TMEM223: variants seen among roughly 807,000 people sequenced by gnomAD.
The protein encoded by TMEM223 is transmembrane protein 223.
In TMEM223, 14 loss-of-function variants were observed where a neutral mutation model predicts 14.1. That is an observed-to-expected ratio of 0.99 (90% CI 0.66 to 1.55). The LOEUF (loss-of-function observed/expected upper bound fraction) is 1.55, where lower values mean the gene tolerates loss of function less well. Ranked by LOEUF, TMEM223 falls within the 40% of genes most tolerant of loss-of-function variation. The pLI is 0.00. For missense variants in TMEM223, 346 were observed against 269.9 expected (o/e 1.28, Z -1.97); for synonymous variants, 145 against 120.5 (o/e 1.20, Z -1.33).
chr11:62,773,448 A>ATTT (rs112592058), intron 2 of TMEM223, among the ~76,000 whole-genome samples: 1 of 135,832 alleles, frequency 7.4e-6, no homozygotes, highest in Non-Finnish European at 1.6e-5. Context: ...CCGGCCTACA[A>ATTT]TTTTTTTTTT....
In TMEM223 at chr11:62,772,075, A is replaced by G. The variant is rs1035449464; in HGVS notation, c.*31T>C. 12 of 456,058 alleles carry G rather than the reference A, an allele frequency of 2.6e-5. No individual in the cohort carries two copies. In the East Asian group the frequency reaches 7.6e-4, roughly 29 times the overall value. 28.3% of individuals were successfully genotyped at this position (456,058 alleles called of 1,614,324 possible). A position where few individuals can be genotyped will look rare whatever the true frequency, so the allele number is the denominator to read the frequency against. The stretch of plus-strand genomic sequence containing the variant: ...CCCCCTCCCTACTTACTCAGTGCTT[A>G]CTTCATGATCTTGGAGAAGTCATGG... On this transcript the variant is annotated 3_prime_UTR_variant, in exon 3 of 3. Transcript: ENST00000528367.
chr11:62,773,905 C>T lies in TMEM223; in HGVS notation c.385+690G>A, dbSNP rs528405373. Among the ~76,000 whole-genome samples the T allele has an allele frequency of 5.3e-5, 8 of 151,994 alleles. No homozygotes were observed. In the East Asian group the frequency reaches 1.5e-3, roughly 29 times the overall value. On this transcript the variant is annotated intron_variant, in intron 2 of 2. Coordinates refer to the TMEM223 transcript ENST00000528367. ...GGTGGAGGACAGGGAGGAGAGAGTTCCAAGTGGAGGAAGCAGTGTTCAAAG... is the reference window on the plus strand; with the variant it reads ...GGTGGAGGACAGGGAGGAGAGAGTTTCAAGTGGAGGAAGCAGTGTTCAAAG...
downstream of TMEM223, among the ~76,000 whole-genome samples, chr11:62,784,528 G>C (rs558850976): frequency 6.7e-6 from 1 of 149,212 alleles, no homozygotes; most frequent in East Asian, 2.0e-4. Context: ...GGATGGTCTC[G>C]ATCTCCTGGC....
downstream of TMEM223, chr11:62,787,214 A>C: frequency 6.3e-7 from 1 of 1,588,270 alleles, no homozygotes; most frequent in Non-Finnish European, 8.5e-7. Context: ...CGCTACGTGC[A>C]GAAACTGCCC....
At chr11:62,771,916 G>A in exon 3 of TMEM223, 1 of 352,208 alleles carries the variant, frequency 2.8e-6, no homozygotes, top group Middle Eastern at 6.3e-4. Flanking sequence ...TCTATTGGCG[G>A]GTCTAGGGTC....
chr11:62,786,704 C>G, downstream of TMEM223: 1 of 1,612,436 alleles, frequency 6.2e-7, no homozygotes, highest in Admixed American at 1.7e-5. Flanking sequence ...CCAGGGGGCG[C>G]GGGGCCGGAG....
At position 62,782,233 on chromosome 11, in the gene TMEM223, C is replaced by G. The variant is rs769236259; in HGVS notation, c.315-7568G>C. On this transcript the variant is annotated intron_variant, in intron 1 of 2. Coordinates refer to the TMEM223 transcript ENST00000528367. ...TGTCCGCTGTCTGGTGGGCAGTGTCCTCTACTGTGTCCTGGAGCCACTGGC... is the reference window on the plus strand; with the variant it reads ...TGTCCGCTGTCTGGTGGGCAGTGTCGTCTACTGTGTCCTGGAGCCACTGGC... 2 of 1,614,122 alleles carry G rather than the reference C, an allele frequency of 1.2e-6. No homozygotes were observed. The highest frequency in any genetic ancestry group is 1.3e-5 in the African/African-American group (1 of 74,936).
chr11:62,787,690 C>T, downstream of TMEM223: 3 of 898,512 alleles, frequency 3.3e-6, no homozygotes, highest in South Asian at 1.7e-5. Flanking sequence ...AGGCTAATCG[C>T]GCTTTGTGGC....
At chr11:62,778,682 A>G in intron 1 of TMEM223, 1 of 624,150 alleles carries the variant, frequency 1.6e-6, no homozygotes, top group East Asian at 2.7e-5. Flanking sequence ...GACAGAGCAC[A>G]GAGGTGTGCA....
At chr11:62,789,387 C>T (rs1339421461), downstream of TMEM223, 3 of 1,613,894 alleles carry the variant, frequency 1.9e-6, no homozygotes, top group African/African-American at 1.3e-5. Flanking sequence ...GGCACCAGGT[C>T]TCTCTGCAAC....
rs535425195 is a variant in TMEM223 at position 62,781,847 on chromosome 11, T to C, written c.315-7182A>G. 5.9e-6 allele frequency: 9 copies of C among 1,533,368 alleles called. No individual in the cohort carries two copies. In the South Asian group the frequency reaches 1.0e-4, roughly 17 times the overall value. The allele number at this position is 1,533,368 out of a possible 1,614,324, so 95.0% of individuals were successfully genotyped here. ...TCCAGAAGAATACCGCATTCATGTTTTACAATTTTCTGGTGGATCCAATGC... is the reference window on the plus strand; with the variant it reads ...TCCAGAAGAATACCGCATTCATGTTCTACAATTTTCTGGTGGATCCAATGC... On this transcript the variant is annotated intron_variant, in intron 1 of 2. Coordinates refer to the TMEM223 transcript ENST00000528367.
intron 2 of TMEM223, chr11:62,772,190 T>G: frequency 2.2e-6 from 1 of 455,594 alleles, no homozygotes; most frequent in South Asian, 1.6e-5. Context: ...AGTGAAGTAA[T>G]CCATATAAAG....
At chr11:62,778,577 T>C (rs573309827) in intron 1 of TMEM223, 28 of 621,432 alleles carry the variant, frequency 4.5e-5, no homozygotes, top group African/African-American at 4.4e-4. Context: ...GGCAGCATGC[T>C]GGGGCGGTGT....
At chr11:62,775,699 G>T in intron 1 of TMEM223, 5 of 1,479,964 alleles carry the variant, frequency 3.4e-6, no homozygotes, top group Non-Finnish European at 4.5e-6. Context: ...CTGGTGTGGA[G>T]GGTGTTGGAT....
chr11:62,788,882 G>T, downstream of TMEM223: 1 of 939,516 alleles, frequency 1.1e-6, no homozygotes, highest in Admixed American at 2.7e-5. Flanking sequence ...CAATATCCCT[G>T]TCCCAGAAAT....
intron 2 of TMEM223, among the ~76,000 whole-genome samples, chr11:62,773,043 G>A (rs1050992164): frequency 2.0e-5 from 3 of 151,292 alleles, no homozygotes; most frequent in Non-Finnish European, 4.4e-5. Flanking sequence ...GGGTTTCACC[G>A]TGTTAGCCAG....
downstream of TMEM223, chr11:62,788,957 C>T (rs1003279399): frequency 2.7e-6 from 4 of 1,506,346 alleles, no homozygotes; most frequent in African/African-American, 2.8e-5. Context: ...TCACTAACAC[C>T]CTACCAAGAG....
downstream of TMEM223, chr11:62,789,054 G>GT: frequency 3.1e-6 from 5 of 1,614,072 alleles, no homozygotes; most frequent in Non-Finnish European, 4.2e-6. Flanking sequence ...CCCCTGTATG[G>GT]TGTGGCCACC....
intron 1 of TMEM223, chr11:62,778,858 T>A (rs1373561890): frequency 6.2e-7 from 1 of 1,613,248 alleles, no homozygotes; most frequent in South Asian, 1.1e-5. Flanking sequence ...TTCCTGCCTG[T>A]CCTCTGGCAG....
Sources: allele counts gnomAD v4.1 joint callset (sites outside exome capture counted in the v4.1 genomes callset), GRCh38; gene constraint gnomAD v4.1.1; transcripts MANE v1.5; gene names NCBI Gene and HGNC (gene_info 2026-07-23, HGNC 2026-07-21).